Variants in MEIKIN observed in about 807,000 individuals in gnomAD.
MEIKIN encodes meiosis-specific kinetochore protein.
intron 9 of MEIKIN, among the ~76,000 whole-genome samples, chr5:131,862,523 C>CTTT (rs1750304658): frequency 6.6e-6 from 1 of 152,020 alleles, no homozygotes; most frequent in African/African-American, 2.4e-5. Flanking sequence ...TAAAGTGCAT[C>CTTT]ACTAAATTCT....
chr5:131,896,826 T>C (rs1054889539), intron 8 of MEIKIN, among the ~76,000 whole-genome samples: 7 of 152,250 alleles, frequency 4.6e-5, no homozygotes, highest in Non-Finnish European at 1.0e-4. Context: ...GGGTCTTGAC[T>C]CTTTATCCAA....
At chr5:131,893,576 A>G (rs1159903634) in intron 8 of MEIKIN, among the ~76,000 whole-genome samples, 1 of 152,170 alleles carries the variant, frequency 6.6e-6, no homozygotes, top group African/African-American at 2.4e-5. Context: ...CAGCTCACGC[A>G]TGGTGTGCTG....
intron 9 of MEIKIN, among the ~76,000 whole-genome samples, chr5:131,873,024 G>T (rs1032568095): frequency 1.3e-5 from 2 of 152,138 alleles, no homozygotes; most frequent in African/African-American, 4.8e-5. Flanking sequence ...GGAACAACTG[G>T]TACCAGCCAC....
rs527786718 is a variant in MEIKIN, at chr5:131,821,713, A to G, written c.976-2850T>C. On this transcript the variant is annotated intron_variant, in intron 11 of 12. Coordinates refer to ENST00000442687, the MANE Select transcript of MEIKIN (RefSeq NM_001303622.2). ...CAGGGTGGAATGCAGTGGTCCAAAC[A>G]CAGCTCACCGCAGCCTTAACCTCCT... 1.2e-4 allele frequency among the ~76,000 whole-genome samples: 17 copies of G among 145,936 alleles called. No individual in the cohort carries two copies. In the East Asian group the frequency reaches 3.2e-3, roughly 28 times the overall value.
chr5:131,829,606 A>C (rs565418070), intron 11 of MEIKIN, among the ~76,000 whole-genome samples: 136 of 152,304 alleles, frequency 8.9e-4, no homozygotes, highest in African/African-American at 3.2e-3. Flanking sequence ...AAACAGAAAA[A>C]TAAAAAAAAC....
At chr5:131,906,613 C>T (rs188160317) in intron 8 of MEIKIN, among the ~76,000 whole-genome samples, 181 of 152,160 alleles carry the variant, frequency 1.2e-3, no homozygotes, top group African/African-American at 4.3e-3. Context: ...ATGGAATCAA[C>T]CTAAATGTTC....
At chr5:131,833,004 A>G (rs1389715416) in intron 11 of MEIKIN, among the ~76,000 whole-genome samples, 1 of 152,216 alleles carries the variant, frequency 6.6e-6, no homozygotes, top group East Asian at 1.9e-4. Context: ...GGGGATTAAC[A>G]TTTGGATCCT....
At chr5:131,872,468 A>G (rs940328332) in intron 9 of MEIKIN, among the ~76,000 whole-genome samples, 13 of 152,242 alleles carry the variant, frequency 8.5e-5, no homozygotes, top group African/African-American at 3.1e-4. Flanking sequence ...AAAAGAAATG[A>G]ACAAGGCTTC....
chr5:131,826,587 A>G (rs1393143349), intron 11 of MEIKIN, among the ~76,000 whole-genome samples: 1 of 152,228 alleles, frequency 6.6e-6, no homozygotes, highest in African/African-American at 2.4e-5. Context: ...CCCAAATCTC[A>G]TCTTGAATTA....
intron 8 of MEIKIN, among the ~76,000 whole-genome samples, chr5:131,882,313 C>T (rs1420609297): frequency 6.6e-6 from 1 of 152,096 alleles, no homozygotes; most frequent in Admixed American, 6.5e-5. Flanking sequence ...TAGAAAAGTA[C>T]CACCTCTTAG....
chr5:131,870,140 G>A (rs963457564), intron 9 of MEIKIN, among the ~76,000 whole-genome samples: 1 of 57,252 alleles, frequency 1.7e-5, no homozygotes, highest in Admixed American at 1.5e-4. Context: ...TGATTATTAT[G>A]CATTTGTGTG....
chr5:131,818,619 T>C (rs1375639921), intron 12 of MEIKIN, 121 bp downstream of exon 12: 4 of 368,252 alleles, frequency 1.1e-5, no homozygotes, highest in Non-Finnish European at 1.9e-5. Flanking sequence ...CCATTTCCAC[T>C]TTCTGCAAGA....
intron 4 of MEIKIN, among the ~76,000 whole-genome samples, chr5:131,941,752 TA>T (rs753514785): frequency 6.6e-6 from 1 of 152,242 alleles, no homozygotes; most frequent in Non-Finnish European, 1.5e-5. Context: ...ACTCATAACT[TA>T]ATATACTAAA....
Position 131,862,661 on chromosome 5 carries a change from C to T in MEIKIN, c.775-7827G>A, listed in dbSNP as rs191879121. 3.0e-4 allele frequency among the ~76,000 whole-genome samples: 46 copies of T among 152,056 alleles called. No homozygotes were observed. The East Asian group carries it at 5.2e-3, about 17-fold the overall frequency. ...AGCACTGCTTTTATGATATTCCATA[C>T]GTTTTGGTGTTTCGTATTTCAATTT... On this transcript the variant is annotated intron_variant, in intron 9 of 12. Transcript: ENST00000442687.
intron 8 of MEIKIN, among the ~76,000 whole-genome samples, chr5:131,891,304 G>A (rs568578095): frequency 1.3e-5 from 2 of 152,242 alleles, no homozygotes; most frequent in East Asian, 3.9e-4. Flanking sequence ...TCTGTCTAAT[G>A]TTGTCAGTGG....
At chr5:131,894,744 G>A (rs1257670095) in intron 8 of MEIKIN, among the ~76,000 whole-genome samples, 3 of 152,190 alleles carry the variant, frequency 2.0e-5, no homozygotes, top group African/African-American at 4.8e-5. Context: ...TTTGCACATT[G>A]ATTTTGTATC....
intron 11 of MEIKIN, among the ~76,000 whole-genome samples, chr5:131,844,621 T>A (rs1400115612): frequency 6.6e-6 from 1 of 152,074 alleles, no homozygotes; most frequent in Non-Finnish European, 1.5e-5. Flanking sequence ...TGCAGTAGAG[T>A]ACTGATCAGT....
chr5:131,842,617 G>T (rs146355262), intron 11 of MEIKIN, among the ~76,000 whole-genome samples: 72 of 150,996 alleles, frequency 4.8e-4, no homozygotes, highest in African/African-American at 1.6e-3. Context: ...TTGCAATAGT[G>T]TGTGTTCATT....
At chr5:131,825,477 A>G (rs921680684) in intron 11 of MEIKIN, among the ~76,000 whole-genome samples, 20 of 152,170 alleles carry the variant, frequency 1.3e-4, no homozygotes, top group Admixed American at 1.1e-3. Flanking sequence ...GTGGAGTCAC[A>G]TGGTCAGCAC....
Sources: gnomAD v4.1 joint callset for allele counts (sites outside exome capture counted in the v4.1 genomes callset) on GRCh38, gnomAD v4.1.1 for gene constraint, MANE v1.5 for transcripts, NCBI Gene and HGNC (gene_info 2026-07-23, HGNC 2026-07-21) for gene names.